Variants in PELI2 observed in about 807,000 individuals in gnomAD.
The protein encoded by PELI2 is E3 ubiquitin-protein ligase pellino homolog 2.
In PELI2, 23 loss-of-function variants were observed where a neutral mutation model predicts 42.3. The observed-to-expected ratio is 0.54, with a 90% CI of 0.39 to 0.77. The LOEUF (loss-of-function observed/expected upper bound fraction) is 0.77. Among genes scored for constraint, PELI2 ranks in the 30% least tolerant of loss-of-function variants. PELI2 has a pLI of 0.00. For missense variants in PELI2, 463 were observed against 553.2 expected, an observed-to-expected ratio of 0.84 and a Z score of 1.64; for synonymous variants, 245 against 212.2, an observed-to-expected ratio of 1.15 and a Z score of -1.34.
rs193178072 is a variant in PELI2, at chr14:56,188,026, G to T, written c.207+9562G>T. Among the ~76,000 whole-genome samples the T allele has an allele frequency of 3.1e-3, 465 of 152,260 alleles. 1 individual carries two copies. The highest frequency in any genetic ancestry group is 7.8e-3 in the Admixed American group (120 of 15,292). On this transcript the variant is annotated intron_variant, in intron 2 of 5. Transcript: ENST00000267460. ...GTACTAGCCCTCAATATCAGTATTC[G>T]GAAAAGTTGGCCCAGCTGCCATTTC...
At chr14:56,176,436 G>A (rs147117983) in intron 1 of PELI2, among the ~76,000 whole-genome samples, 8 of 152,254 alleles carry the variant, frequency 5.3e-5, no homozygotes, top group Admixed American at 3.3e-4. Context: ...AGCCAGTGGC[G>A]GTGGGTTGAG....
At chr14:56,134,549 A>G (rs1757966608) in intron 1 of PELI2, among the ~76,000 whole-genome samples, 1 of 152,060 alleles carries the variant, frequency 6.6e-6, no homozygotes, top group Non-Finnish European at 1.5e-5. Flanking sequence ...TCTATATGTG[A>G]TATTTGCTGT....
rs1048822520 is a variant in PELI2, at chr14:56,137,637, T to C, written c.77+18900T>C. The stretch of plus-strand genomic sequence containing the variant: ...GCTTCATAACTGAGCAATATAGTTA[T>C]GAAAAAACACTCACATTCGTGTGTG... On this transcript the variant is annotated intron_variant, in intron 1 of 5. Coordinates refer to ENST00000267460, the MANE Select transcript of PELI2 (RefSeq NM_021255.3). Among the ~76,000 whole-genome samples, 4 of 152,334 alleles carry C rather than the reference T, an allele frequency of 2.6e-5. No individual in the cohort carries two copies. In the East Asian group the frequency reaches 7.7e-4, roughly 29 times the overall value.
At chr14:56,279,813 G>A (rs774985511) in intron 3 of PELI2, 36 bp downstream of exon 3, 12 of 1,093,256 alleles carry the variant, frequency 1.1e-5, no homozygotes, top group East Asian at 2.4e-5. Context: ...ATTTTAGCAC[G>A]TTTTCCTTTA....
chr14:56,223,740 G>A (rs1887238029), intron 2 of PELI2, among the ~76,000 whole-genome samples: 1 of 152,142 alleles, frequency 6.6e-6, no homozygotes, highest in Non-Finnish European at 1.5e-5. Flanking sequence ...ACTGTGTTTA[G>A]TAACTCTCTG....
intron 1 of PELI2, among the ~76,000 whole-genome samples, chr14:56,145,222 C>T (rs1566604824): frequency 6.6e-6 from 1 of 152,016 alleles, no homozygotes; most frequent in Non-Finnish European, 1.5e-5. Flanking sequence ...GGGGAAGGTG[C>T]CGTATACTTT....
At chr14:56,220,648 G>A (rs1019626090) in intron 2 of PELI2, among the ~76,000 whole-genome samples, 1 of 152,148 alleles carries the variant, frequency 6.6e-6, no homozygotes, top group African/African-American at 2.4e-5. Context: ...AAGCAAAAAA[G>A]GAGGGAGTGA....
intron 2 of PELI2, among the ~76,000 whole-genome samples, chr14:56,213,379 A>AC (rs1886778933): frequency 6.6e-6 from 1 of 152,240 alleles, no homozygotes; most frequent in Non-Finnish European, 1.5e-5. Context: ...GAAGGGAATT[A>AC]GCTGATTGGA....
At chr14:56,125,871 C>T (rs1883239147) in intron 1 of PELI2, among the ~76,000 whole-genome samples, 1 of 152,082 alleles carries the variant, frequency 6.6e-6, no homozygotes, top group African/African-American at 2.4e-5. Flanking sequence ...CTCACTGAGC[C>T]TCTTGGAGAA....
chr14:56,164,303 C>G (rs1022036734), intron 1 of PELI2, among the ~76,000 whole-genome samples: 8 of 151,880 alleles, frequency 5.3e-5, no homozygotes, highest in East Asian at 1.9e-4. Flanking sequence ...AAGGATAAAT[C>G]CATTTTATCC....
At chr14:56,244,149 A>G in intron 2 of PELI2, among the ~76,000 whole-genome samples, 1 of 152,248 alleles carries the variant, frequency 6.6e-6, no homozygotes, top group Admixed American at 6.5e-5. Context: ...ATATAGAACA[A>G]AACCTCAGAG....
intron 2 of PELI2, among the ~76,000 whole-genome samples, chr14:56,233,652 C>G (rs984839892): frequency 1.2e-4 from 19 of 152,148 alleles, no homozygotes; most frequent in Non-Finnish European, 2.1e-4. Flanking sequence ...CATAAAAACC[C>G]TAGAAGAAAA....
At chr14:56,267,294 C>A (rs1888941867) in intron 2 of PELI2, among the ~76,000 whole-genome samples, 2 of 152,094 alleles carry the variant, frequency 1.3e-5, no homozygotes, top group African/African-American at 4.8e-5. Flanking sequence ...ACTTTGCAGA[C>A]ATCATCTGAG....
At chr14:56,149,603 T>C (rs1193205782) in intron 1 of PELI2, among the ~76,000 whole-genome samples, 1 of 152,174 alleles carries the variant, frequency 6.6e-6, no homozygotes, top group Non-Finnish European at 1.5e-5. Flanking sequence ...TTTACTTTTT[T>C]TTTTTCTTTT....
intron 1 of PELI2, among the ~76,000 whole-genome samples, chr14:56,145,833 G>C (rs1884094183): frequency 1.3e-5 from 2 of 152,054 alleles, no homozygotes; most frequent in African/African-American, 4.8e-5. Flanking sequence ...TGTTTCAAAG[G>C]GAAAACAATT....
rs1259147046 is a variant in PELI2 at position 56,273,129 on chromosome 14, A to T, written c.208-6547A>T. Among the ~76,000 whole-genome samples the T allele has an allele frequency of 6.6e-6, 1 of 152,192 alleles. No homozygotes were observed. Among genetic ancestry groups the T allele is most frequent in the Non-Finnish European group, 1.5e-5 (1 of 68,038 alleles). ...TCTGGTCCACATCTGGGGCAGCTGG[A>T]GCTGGAGGATCCACTCTCACAGAGG... On this transcript the variant is annotated intron_variant, in intron 2 of 5. Coordinates refer to ENST00000267460, the MANE Select transcript of PELI2 (RefSeq NM_021255.3). The surrounding 1 kb of genome is among the most constrained non-coding windows in gnomAD (Gnocchi z 4.3).
chr14:56,214,228 G>A (rs1053155672), intron 2 of PELI2, among the ~76,000 whole-genome samples: 1 of 152,154 alleles, frequency 6.6e-6, no homozygotes, highest in Non-Finnish European at 1.5e-5. Context: ...TCTTGGAGGG[G>A]TGAGCATCTG....
Position 56,300,039 on chromosome 14 carries a change from A to G in PELI2, c.*2873A>G, listed in dbSNP as rs1451449823. ...CCCTTATTTGGTTCAGCTTTTAGCAAAAAGGGCTACAGTTCACCCTGCAGA... is the reference window on the plus strand; with the variant it reads ...CCCTTATTTGGTTCAGCTTTTAGCAGAAAGGGCTACAGTTCACCCTGCAGA... On this transcript the variant is annotated 3_prime_UTR_variant, in exon 6 of 6. Coordinates refer to ENST00000267460, the MANE Select transcript of PELI2 (RefSeq NM_021255.3). 1 of 152,642 alleles carries G rather than the reference A, an allele frequency of 6.6e-6. No homozygotes were observed. Among genetic ancestry groups the G allele is most frequent in the Non-Finnish European group, 1.5e-5 (1 of 68,038 alleles). The allele number at this position is 152,642 out of a possible 1,614,324, so 9.5% of individuals were successfully genotyped here.
intron 2 of PELI2, among the ~76,000 whole-genome samples, chr14:56,202,041 A>G (rs1277911100): frequency 1.3e-5 from 2 of 152,250 alleles, no homozygotes; most frequent in African/African-American, 4.8e-5. Flanking sequence ...ACTGAGGCAC[A>G]GAGATGCATG....
Sources: allele counts gnomAD v4.1 joint callset (sites outside exome capture counted in the v4.1 genomes callset), GRCh38; gene constraint gnomAD v4.1.1; non-coding constraint Gnocchi (gnomAD v3.1); transcripts MANE v1.5; gene names NCBI Gene and HGNC (gene_info 2026-07-23, HGNC 2026-07-21).